Variants in CNTN6 observed in about 807,000 individuals in gnomAD.
CNTN6 encodes contactin-6.
A neutral mutation model predicts 122.8 loss-of-function variants in CNTN6; 137 were observed. The ratio of observed to expected loss-of-function variants is 1.12; its 90% CI spans 0.97 to 1.29. CNTN6 has a LOEUF of 1.29. Ranked by LOEUF, CNTN6 falls within the 50% of genes most tolerant of loss-of-function variation. The pLI, the probability that CNTN6 is intolerant of heterozygous loss-of-function variation, is 0.00. For missense variants in CNTN6, 1,634 were observed against 1,223.4 expected (o/e 1.34, Z -5.01); for synonymous variants, 570 against 426.0 (o/e 1.34, Z -4.16).
chr3:1,180,407 A>G (rs765102277), intron 2 of CNTN6, among the ~76,000 whole-genome samples: 5 of 152,316 alleles, frequency 3.3e-5, no homozygotes, highest in Admixed American at 2.0e-4. Context: ...TGACAGTATT[A>G]TTCTTGTTAT....
chr3:1,360,617 TTCTC>T (rs914962498), intron 12 of CNTN6, among the ~76,000 whole-genome samples: 2 of 152,006 alleles, frequency 1.3e-5, no homozygotes, highest in African/African-American at 2.4e-5. Flanking sequence ...TTTTCTTTTT[TTCTC>T]TCTTAGTCTT....
intron 17 of CNTN6, among the ~76,000 whole-genome samples, chr3:1,381,706 C>T (rs1335430684): frequency 6.6e-6 from 1 of 152,190 alleles, no homozygotes; most frequent in East Asian, 1.9e-4. Flanking sequence ...TGCCCTCTCT[C>T]TAATTTACAG....
At chr3:1,171,044 C>A (rs1298014781) in intron 2 of CNTN6, among the ~76,000 whole-genome samples, 1 of 152,190 alleles carries the variant, frequency 6.6e-6, no homozygotes, top group Non-Finnish European at 1.5e-5. Flanking sequence ...GTTGAACTAG[C>A]AGCAATGGCC....
intron 4 of CNTN6, among the ~76,000 whole-genome samples, chr3:1,268,452 A>T (rs2094962413): frequency 6.6e-6 from 1 of 151,894 alleles, no homozygotes; most frequent in Non-Finnish European, 1.5e-5. Flanking sequence ...CTAAAAATAT[A>T]AAAAATTAGC....
chr3:1,190,278 C>G (rs1472392529), intron 2 of CNTN6, among the ~76,000 whole-genome samples: 1 of 152,132 alleles, frequency 6.6e-6, no homozygotes, highest in Non-Finnish European at 1.5e-5. Flanking sequence ...CCTAGTTACT[C>G]CTAAAGTCCC....
chr3:1,155,479 G>A (rs1255420367), intron 2 of CNTN6, among the ~76,000 whole-genome samples: 1 of 144,708 alleles, frequency 6.9e-6, no homozygotes. Flanking sequence ...TTGGGCTTAG[G>A]ATTTTTTTTT....
chr3:1,393,598 T>TTCTA (rs1694557112), intron 20 of CNTN6, among the ~76,000 whole-genome samples: 2 of 151,270 alleles, frequency 1.3e-5, no homozygotes, highest in South Asian at 2.1e-4. Context: ...GTAATTCAGT[T>TTCTA]TCTATCTCAA....
intron 1 of CNTN6, among the ~76,000 whole-genome samples, chr3:1,097,403 A>T (rs1195006513): frequency 6.6e-6 from 1 of 152,214 alleles, no homozygotes; most frequent in Non-Finnish European, 1.5e-5. Context: ...AAATAACTGA[A>T]TTTCCCTATA....
At chr3:1,147,841 A>G (rs971415650) in intron 1 of CNTN6, 86 bp from the exon 2 acceptor site, 9 of 484,308 alleles carry the variant, frequency 1.9e-5, no homozygotes, top group Non-Finnish European at 3.4e-5. Flanking sequence ...TTAATATTAA[A>G]TTGAATTAAT....
chr3:1,159,817 TG>T (rs1277549619), intron 2 of CNTN6, among the ~76,000 whole-genome samples: 8 of 143,388 alleles, frequency 5.6e-5, no homozygotes, highest in African/African-American at 1.9e-4. Flanking sequence ...ATCATTCGTT[TG>T]TTTTTCTTTT....
rs867493412 is a variant in CNTN6, at chr3:1,358,208, A to G, written c.1492+5757A>G. Among the ~76,000 whole-genome samples the G allele has an allele frequency of 6.2e-4, 95 of 152,108 alleles. 1 individual carries two copies. The highest frequency in any genetic ancestry group is 2.1e-3 in the African/African-American group (88 of 41,544). ...ACTTCAACCGATACGTTTATTCTGCAGGTAACTAAATGCATATATACATGT... is the reference window on the plus strand; with the variant it reads ...ACTTCAACCGATACGTTTATTCTGCGGGTAACTAAATGCATATATACATGT... On this transcript the variant is annotated intron_variant, in intron 12 of 22. Coordinates refer to ENST00000446702, the MANE Select transcript of CNTN6 (RefSeq NM_001289080.2).
At chr3:1,394,727 T>A (rs999227452) in intron 20 of CNTN6, among the ~76,000 whole-genome samples, 3 of 152,226 alleles carry the variant, frequency 2.0e-5, no homozygotes, top group African/African-American at 7.2e-5. Flanking sequence ...ATCCTTGTTT[T>A]TGACACTAAA....
intron 12 of CNTN6, among the ~76,000 whole-genome samples, chr3:1,355,138 C>T (rs1042109426): frequency 1.3e-5 from 2 of 151,624 alleles, no homozygotes; most frequent in Admixed American, 6.6e-5. Flanking sequence ...CATGACACAT[C>T]CACATCCCAT....
rs548326898 is a variant in CNTN6 at position 1,257,479 on chromosome 3, C to T, written c.359-20934C>T. ...ACTCTTATAATTTCATTAATTCCTT[C>T]GAGGCCTTCGATTCACCTTGAATTT... On this transcript the variant is annotated intron_variant, in intron 4 of 22. Transcript: ENST00000446702. Among the ~76,000 whole-genome samples, 12 of 152,146 alleles carry T rather than the reference C, an allele frequency of 7.9e-5. No individual in the cohort carries two copies. The South Asian group carries it at 1.5e-3, about 18-fold the overall frequency.
rs747394923 is a variant in CNTN6, at chr3:1,122,360, G to GAGGA, written c.-82-25551_-82-25548dup. ...GGCGAGAGAGAGGGAAGGAGGGAAG[G>GAGGA]AGGAAGGAAGGAAGGAAGGGAGGAA... On this transcript the variant is annotated intron_variant, in intron 1 of 22. Transcript: ENST00000446702. Among the ~76,000 whole-genome samples, 180 of 140,534 alleles carry GAGGA rather than the reference G, an allele frequency of 1.3e-3. 1 individual carries two copies. The highest frequency in any genetic ancestry group is 1.9e-3 in the Non-Finnish European group (128 of 66,908). 92.2% of individuals were successfully genotyped at this position (140,534 alleles called of 152,430 possible).
At chr3:1,200,601 GCT>G (rs1328972881) in intron 2 of CNTN6, among the ~76,000 whole-genome samples, 2 of 152,198 alleles carry the variant, frequency 1.3e-5, no homozygotes, top group Admixed American at 6.5e-5. Flanking sequence ...TCATAACTGG[GCT>G]CTCTTTTTTA....
At chr3:1,352,920 C>T (rs2126077341) in intron 12 of CNTN6, among the ~76,000 whole-genome samples, 1 of 151,718 alleles carries the variant, frequency 6.6e-6, no homozygotes, top group Admixed American at 6.6e-5. Context: ...CTTTAGTAAG[C>T]AGTTCTTTTC....
At chr3:1,312,417 T>A (rs1428244569) in intron 7 of CNTN6, among the ~76,000 whole-genome samples, 1 of 152,000 alleles carries the variant, frequency 6.6e-6, no homozygotes, top group African/African-American at 2.4e-5. Context: ...AGTTCTTACT[T>A]TTAAGTAATT....
At chr3:1,331,595 G>A (rs1361872609) in intron 11 of CNTN6, among the ~76,000 whole-genome samples, 2 of 151,798 alleles carry the variant, frequency 1.3e-5, no homozygotes, top group African/African-American at 4.8e-5. Flanking sequence ...ATCTAATCAA[G>A]GTTTGAATAC....
Sources: allele counts gnomAD v4.1 joint callset (sites outside exome capture counted in the v4.1 genomes callset), GRCh38; gene constraint gnomAD v4.1.1; transcripts MANE v1.5; gene names NCBI Gene and HGNC (gene_info 2026-07-23, HGNC 2026-07-21).